The following GRM8 variants were observed in gnomAD, a reference collection of about 807,000 sequenced individuals.
GRM8 encodes the protein metabotropic glutamate receptor 8.
GRM8 carries 47 observed loss-of-function variants against 87.2 expected under a neutral mutation model. That is an observed-to-expected ratio of 0.54 (90% CI 0.43 to 0.69). The LOEUF is 0.69. Ranked by LOEUF, GRM8 falls within the 30% of genes least tolerant of loss-of-function variation. GRM8 has a pLI of 0.00. For missense variants in GRM8, 1,019 were observed against 1,139.2 expected (o/e 0.89, Z 1.52); for synonymous variants, 396 against 404.5 (o/e 0.98, Z 0.25).
chr7:126,927,558 G>C (rs765174050), intron 3 of GRM8, among the ~76,000 whole-genome samples: 1 of 152,054 alleles, frequency 6.6e-6, no homozygotes, highest in Non-Finnish European at 1.5e-5. Flanking sequence ...TGGGAGAAGG[G>C]TATGAACAGA....
rs753846218 is a variant in GRM8, at chr7:127,076,251, AG to A, written c.727+30244del. The A allele has an allele frequency of 8.8e-5, 40 of 453,814 alleles. No individual in the cohort carries two copies. In the Middle Eastern group the frequency reaches 1.6e-3, roughly 19 times the overall value. 28.1% of individuals were successfully genotyped at this position (453,814 alleles called of 1,614,324 possible). ...GGATGGATAACCTGAGGACAAGGAA[AG>A]AAAAATGAGGCAAATAGACTTTTAA... On this transcript the variant is annotated intron_variant, in intron 3 of 10. Transcript: ENST00000339582.
intron 7 of GRM8, among the ~76,000 whole-genome samples, chr7:126,644,921 T>C (rs950999242): frequency 6.6e-6 from 1 of 152,246 alleles, no homozygotes; most frequent in African/African-American, 2.4e-5. Context: ...CTCTCCCCAG[T>C]GTTATTGAAA....
chr7:126,683,529 C>T (rs1355627522), intron 7 of GRM8, among the ~76,000 whole-genome samples: 2 of 152,116 alleles, frequency 1.3e-5, no homozygotes, highest in African/African-American at 4.8e-5. Context: ...TCTCTTTTTC[C>T]TTAATTTTCC....
chr7:127,159,244 C>T (rs1260674738), intron 2 of GRM8, among the ~76,000 whole-genome samples: 1 of 152,152 alleles, frequency 6.6e-6, no homozygotes. Context: ...TAAAATTACT[C>T]ATTTAAATTA....
In GRM8 at chr7:126,863,075, T is replaced by C. The variant is rs557047219; in HGVS notation, c.1156+39467A>G. Reference sequence around the variant, plus strand: ...CTTTTATTTAGTTCCAAATGATCTATTTCCTGATATGTACATTCATTTTTG... The same window carrying C: ...CTTTTATTTAGTTCCAAATGATCTACTTCCTGATATGTACATTCATTTTTG... On this transcript the variant is annotated intron_variant, in intron 6 of 10. Coordinates refer to ENST00000339582, the MANE Select transcript of GRM8 (RefSeq NM_000845.3). Among the ~76,000 whole-genome samples the C allele has an allele frequency of 4.6e-5, 7 of 152,244 alleles. No individual in the cohort carries two copies. In the East Asian group the frequency reaches 9.6e-4, roughly 21 times the overall value.
At chr7:126,603,070 G>C (rs1797980037) in intron 8 of GRM8, among the ~76,000 whole-genome samples, 3 of 146,976 alleles carry the variant, frequency 2.0e-5, no homozygotes, top group Admixed American at 1.4e-4. Flanking sequence ...GGGATGCAAG[G>C]CTGGTTCAAT....
chr7:126,585,333 T>A (rs577944937), intron 8 of GRM8, among the ~76,000 whole-genome samples: 2 of 152,118 alleles, frequency 1.3e-5, no homozygotes, highest in South Asian at 2.1e-4. Context: ...TAAAAACACA[T>A]CTCCTAATTT....
intron 9 of GRM8, among the ~76,000 whole-genome samples, chr7:126,471,033 G>T (rs1233679265): frequency 1.3e-5 from 2 of 152,104 alleles, no homozygotes; most frequent in Non-Finnish European, 2.9e-5. Flanking sequence ...CTTTTTGATG[G>T]GGTTGTTTGT....
At chr7:127,141,763 A>G (rs1055989170) in intron 2 of GRM8, among the ~76,000 whole-genome samples, 1 of 152,136 alleles carries the variant, frequency 6.6e-6, no homozygotes, top group African/African-American at 2.4e-5. Context: ...TTGTGGAGAG[A>G]ACTTTATAAC....
At chr7:126,606,533 G>A (rs1010671084) in intron 8 of GRM8, among the ~76,000 whole-genome samples, 2 of 152,128 alleles carry the variant, frequency 1.3e-5, no homozygotes, top group Non-Finnish European at 2.9e-5. Context: ...AGCTTGCCAA[G>A]CACTCTACTA....
intron 9 of GRM8, among the ~76,000 whole-genome samples, chr7:126,514,462 A>C (rs1480359648): frequency 6.6e-6 from 1 of 152,150 alleles, no homozygotes. Context: ...TACTATCAGA[A>C]AAATGGGTGA....
intron 6 of GRM8, among the ~76,000 whole-genome samples, chr7:126,793,017 A>T (rs778825638): frequency 2.4e-4 from 36 of 152,168 alleles, no homozygotes; most frequent in Non-Finnish European, 2.8e-4. Flanking sequence ...ACACTCTTTT[A>T]TGTTTGTGCT....
chr7:126,949,002 C>T (rs1466630982), intron 3 of GRM8, among the ~76,000 whole-genome samples: 4 of 152,218 alleles, frequency 2.6e-5, no homozygotes, highest in Non-Finnish European at 5.9e-5. Flanking sequence ...TGTGTGACTT[C>T]AACAAGGTTA....
At chr7:127,175,127 A>G (rs1031238597) in intron 2 of GRM8, among the ~76,000 whole-genome samples, 11 of 152,214 alleles carry the variant, frequency 7.2e-5, no homozygotes, top group Non-Finnish European at 8.8e-5. Context: ...GTCTAATGAT[A>G]AAATTAGACA....
intron 6 of GRM8, among the ~76,000 whole-genome samples, chr7:126,789,038 A>G (rs945595931): frequency 6.6e-6 from 1 of 152,210 alleles, no homozygotes; most frequent in Non-Finnish European, 1.5e-5. Context: ...CATATCAAAC[A>G]TATCACAAAT....
At chr7:127,000,844 A>G (rs1813658145) in intron 3 of GRM8, among the ~76,000 whole-genome samples, 1 of 151,698 alleles carries the variant, frequency 6.6e-6, no homozygotes, top group South Asian at 2.1e-4. Flanking sequence ...GATGGTTAAA[A>G]TAGCAAATTT....
chr7:126,928,645 A>C (rs897856166), intron 3 of GRM8, among the ~76,000 whole-genome samples: 1 of 149,948 alleles, frequency 6.7e-6, no homozygotes, highest in Non-Finnish European at 1.5e-5. Context: ...GTACTCCAGC[A>C]TGGACAACAC....
intron 6 of GRM8, among the ~76,000 whole-genome samples, chr7:126,894,309 C>T (rs956077541): frequency 6.6e-6 from 1 of 152,024 alleles, no homozygotes; most frequent in Non-Finnish European, 1.5e-5. Flanking sequence ...ATCAAAAATG[C>T]TGAACTGTCA....
At chr7:127,148,301 C>A (rs953435140) in intron 2 of GRM8, among the ~76,000 whole-genome samples, 1 of 151,850 alleles carries the variant, frequency 6.6e-6, no homozygotes, top group Admixed American at 6.6e-5. Flanking sequence ...TATATATGCA[C>A]CCCACACCAG....
Sources: gnomAD v4.1 joint callset for allele counts (sites outside exome capture counted in the v4.1 genomes callset) on GRCh38, gnomAD v4.1.1 for gene constraint, MANE v1.5 for transcripts, NCBI Gene and HGNC (gene_info 2026-07-23, HGNC 2026-07-21) for gene names.